Variants in RASGRF2 observed in about 807,000 individuals in gnomAD.
RASGRF2 encodes the protein ras-specific guanine nucleotide-releasing factor 2.
RASGRF2 carries 76 observed loss-of-function variants against 151.0 expected under a neutral mutation model. The ratio of observed to expected loss-of-function variants is 0.50; its 90% confidence interval spans 0.42 to 0.61. The LOEUF (loss-of-function observed/expected upper bound fraction) is 0.61, where lower values mean the gene tolerates loss of function less well. Ranked by LOEUF, RASGRF2 falls within the 20% of genes least tolerant of loss-of-function variation. The pLI is 0.00. For synonymous variants in RASGRF2, 504 were observed against 566.5 expected (o/e 0.89, Z 1.57); for missense variants, 1,148 against 1,564.6 (o/e 0.73, Z 4.49).
intron 26 of RASGRF2, 74 bp downstream of exon 26, chr5:81,219,852 A>G: frequency 7.8e-7 from 1 of 1,275,384 alleles, no homozygotes. Flanking sequence ...CAACAGTAAA[A>G]GTTGATCCAA....
At chr5:81,131,870 T>C (rs980497973) in intron 17 of RASGRF2, among the ~76,000 whole-genome samples, 5 of 152,178 alleles carry the variant, frequency 3.3e-5, no homozygotes, top group Non-Finnish European at 7.3e-5. Context: ...GAATTTTTAA[T>C]GGATTTTTAT....
chr5:81,128,458 G>T (rs550628874), intron 17 of RASGRF2, among the ~76,000 whole-genome samples: 1 of 152,260 alleles, frequency 6.6e-6, no homozygotes, highest in African/African-American at 2.4e-5. Context: ...TCACTCAGGC[G>T]ATCTGTGGGT....
At chr5:81,011,758 A>G (rs1749471243) in intron 1 of RASGRF2, among the ~76,000 whole-genome samples, 1 of 152,148 alleles carries the variant, frequency 6.6e-6, no homozygotes, top group South Asian at 2.1e-4. Flanking sequence ...CAAACAAAAA[A>G]AAAAAAAGGA....
intron 1 of RASGRF2, 77 bp downstream of exon 1, chr5:80,961,103 G>A: frequency 1.5e-6 from 2 of 1,371,834 alleles, no homozygotes; most frequent in South Asian, 1.7e-5. Flanking sequence ...GGGGATCAGG[G>A]GTCGGGGGTC....
At chr5:81,130,550 A>T (rs1310700883) in intron 17 of RASGRF2, among the ~76,000 whole-genome samples, 1 of 152,138 alleles carries the variant, frequency 6.6e-6, no homozygotes, top group African/African-American at 2.4e-5. Flanking sequence ...TCAGAGCAGA[A>T]ACAGGGAAGG....
Position 81,057,593 on chromosome 5 carries a change from C to G in RASGRF2, c.396-10439C>G, listed in dbSNP as rs148053142. On this transcript the variant is annotated intron_variant, in intron 2 of 26. Coordinates refer to ENST00000265080, the MANE Select transcript of RASGRF2 (RefSeq NM_006909.3). ...GATTATTGTACATATTTACGAGGTA[C>G]AAGGTGATGCTTCGGTACACACATG... 4.4e-4 allele frequency among the ~76,000 whole-genome samples: 67 copies of G among 152,094 alleles called. 2 individuals are homozygous for G. The East Asian group carries it at 8.3e-3, about 19-fold the overall frequency.
At chr5:81,055,679 T>C (rs958394581) in intron 2 of RASGRF2, among the ~76,000 whole-genome samples, 8 of 152,182 alleles carry the variant, frequency 5.3e-5, no homozygotes, top group African/African-American at 1.9e-4. Flanking sequence ...CTTTTTCTAT[T>C]GATTGGAATA....
chr5:81,088,215 C>G (rs928331056), intron 9 of RASGRF2: 11 of 152,506 alleles, frequency 7.2e-5, no homozygotes, highest in African/African-American at 2.6e-4. Flanking sequence ...TGTGCTGTCC[C>G]CAGCCTGGGG....
At chr5:81,133,553 A>C (rs759386025) in intron 17 of RASGRF2, among the ~76,000 whole-genome samples, 25 of 152,218 alleles carry the variant, frequency 1.6e-4, no homozygotes, top group Non-Finnish European at 3.1e-4. Flanking sequence ...CTTACTATAC[A>C]CCTGAAGTTG....
intron 9 of RASGRF2, among the ~76,000 whole-genome samples, chr5:81,090,592 A>G (rs1752361192): frequency 6.6e-6 from 1 of 152,186 alleles, no homozygotes; most frequent in African/African-American, 2.4e-5. Flanking sequence ...ATTCAGATGT[A>G]TACATTTCTG....
chr5:81,097,508 C>T (rs1457284195), intron 12 of RASGRF2, among the ~76,000 whole-genome samples: 1 of 152,116 alleles, frequency 6.6e-6, no homozygotes, highest in Non-Finnish European at 1.5e-5. Flanking sequence ...AATAACTAAG[C>T]ATATACTATT....
At chr5:81,214,132 T>C (rs1262242913) in intron 23 of RASGRF2, among the ~76,000 whole-genome samples, 1 of 152,236 alleles carries the variant, frequency 6.6e-6, no homozygotes, top group Non-Finnish European at 1.5e-5. Flanking sequence ...TTAAGTGATA[T>C]TCTTGTCTTT....
At chr5:81,135,427 C>T (rs931683587) in intron 17 of RASGRF2, among the ~76,000 whole-genome samples, 28 of 152,174 alleles carry the variant, frequency 1.8e-4, no homozygotes, top group Admixed American at 1.7e-3. Context: ...GCAGTCACTC[C>T]CTATTTGTCT....
chr5:81,005,242 C>A (rs890650621), intron 1 of RASGRF2, among the ~76,000 whole-genome samples: 1 of 152,096 alleles, frequency 6.6e-6, no homozygotes, highest in Admixed American at 6.6e-5. Context: ...CACAGTTCAC[C>A]ATGGCTGGGG....
At chr5:81,163,884 T>G (rs1465119115) in intron 17 of RASGRF2, among the ~76,000 whole-genome samples, 2 of 152,212 alleles carry the variant, frequency 1.3e-5, no homozygotes, top group Admixed American at 1.3e-4. Context: ...CTGGTGGTAT[T>G]GTGCAGTGCA....
At chr5:81,195,746 G>A (rs1192227001) in intron 18 of RASGRF2, among the ~76,000 whole-genome samples, 1 of 152,132 alleles carries the variant, frequency 6.6e-6, no homozygotes, top group Non-Finnish European at 1.5e-5. Context: ...AACCCCTAGT[G>A]AGCCCTGTGC....
At chr5:81,078,097 C>T (rs1433221886) in intron 5 of RASGRF2, among the ~76,000 whole-genome samples, 1 of 151,914 alleles carries the variant, frequency 6.6e-6, no homozygotes, top group Non-Finnish European at 1.5e-5. Flanking sequence ...TTTATGGTTA[C>T]ATAATACATA....
rs970939839 is a variant in RASGRF2, at chr5:81,171,083, T to G, written c.2687-9092T>G. 4.0e-4 allele frequency among the ~76,000 whole-genome samples: 61 copies of G among 152,182 alleles called. 1 individual carries two copies. Among genetic ancestry groups the G allele is most frequent in the Admixed American group, 3.9e-4 (6 of 15,278 alleles). On this transcript the variant is annotated intron_variant, in intron 17 of 26. Transcript: ENST00000265080. ...GAAAATGGCCCATTTTCATCCTCCCTTATTAACCATCTCTAAAATTATCTA... is the reference window on the plus strand; with the variant it reads ...GAAAATGGCCCATTTTCATCCTCCCGTATTAACCATCTCTAAAATTATCTA...
chr5:80,963,245 A>T (rs1187275712), intron 1 of RASGRF2, among the ~76,000 whole-genome samples: 1 of 152,184 alleles, frequency 6.6e-6, no homozygotes, highest in Admixed American at 6.5e-5. Flanking sequence ...GGATCTGTGG[A>T]GGATGTGAGG....
Sources: allele counts gnomAD v4.1 joint callset (sites outside exome capture counted in the v4.1 genomes callset), GRCh38; gene constraint gnomAD v4.1.1; transcripts MANE v1.5; gene names NCBI Gene and HGNC (gene_info 2026-07-23, HGNC 2026-07-21).